Variants in SCAF11 observed in about 807,000 individuals in gnomAD.
SCAF11 encodes the protein SR-related CTD associated factor 11.
In SCAF11, 47 loss-of-function variants were observed where a neutral mutation model predicts 140.5. That is an observed-to-expected ratio of 0.33 (90% CI 0.26 to 0.43). The LOEUF (loss-of-function observed/expected upper bound fraction) is 0.43. Ranked by LOEUF, SCAF11 falls within the 20% of genes least tolerant of loss-of-function variation. The probability of loss-of-function intolerance (pLI) is 1.00; values close to 1 mark genes in which losing one functional copy is unlikely to be tolerated. For missense variants in SCAF11, 1,645 were observed against 1,705.1 expected (o/e 0.96, Z 0.62); for synonymous variants, 557 against 579.4 (o/e 0.96, Z 0.55).
intron 6 of SCAF11, among the ~76,000 whole-genome samples, chr12:45,936,881 G>T (rs1163956720): frequency 6.6e-6 from 1 of 152,150 alleles, no homozygotes. Flanking sequence ...ATAGGTTATA[G>T]AATTGTCTAG....
intron 3 of SCAF11, among the ~76,000 whole-genome samples, chr12:45,953,591 C>T (rs1390277398): frequency 6.6e-6 from 1 of 151,968 alleles, no homozygotes; most frequent in Non-Finnish European, 1.5e-5. Flanking sequence ...CTAGTGCTTC[C>T]TATTTTTACA....
chr12:45,971,296 T>A (rs183492248), intron 1 of SCAF11, among the ~76,000 whole-genome samples: 184 of 152,336 alleles, frequency 1.2e-3, no homozygotes, highest in African/African-American at 4.2e-3. Flanking sequence ...AAAGTTGGCA[T>A]TACATTCCAA....
chr12:45,951,638 A>G lies in SCAF11; in HGVS notation c.297+12T>C, dbSNP rs745385411. The stretch of plus-strand genomic sequence containing the variant: ...TTTTATATAATTCATGTTGCAGAAT[A>G]AAAAGACTTACCTTAACATAACCTT... On this transcript the variant is annotated intron_variant, in intron 4 of 14. Transcript: ENST00000369367. The G allele has an allele frequency of 6.5e-7, 1 of 1,528,466 alleles. No individual in the cohort carries two copies. Among genetic ancestry groups the G allele is most frequent in the Admixed American group, 1.9e-5 (1 of 52,714 alleles). The allele number at this position is 1,528,466 out of a possible 1,614,324, so 94.7% of individuals were successfully genotyped here.
chr12:45,943,907 C>T (rs1306282566), intron 6 of SCAF11, among the ~76,000 whole-genome samples: 1 of 152,044 alleles, frequency 6.6e-6, no homozygotes, highest in Non-Finnish European at 1.5e-5. Flanking sequence ...ATGCCACATT[C>T]TAAACAGTAA....
At chr12:45,991,305 C>T (rs1048623067), upstream of SCAF11, among the ~76,000 whole-genome samples, 1 of 152,180 alleles carries the variant, frequency 6.6e-6, no homozygotes, top group African/African-American at 2.4e-5. Flanking sequence ...TGGCTCACGC[C>T]GGTAATCCCA....
At chr12:45,931,819 A>C (rs1945051311) in intron 9 of SCAF11, among the ~76,000 whole-genome samples, 1 of 152,190 alleles carries the variant, frequency 6.6e-6, no homozygotes, top group African/African-American at 2.4e-5. Context: ...AAAACCTTTA[A>C]AAGTATGTTT....
intron 1 of SCAF11, among the ~76,000 whole-genome samples, chr12:45,969,556 G>C (rs1946027304): frequency 6.6e-6 from 1 of 152,094 alleles, no homozygotes; most frequent in Non-Finnish European, 1.5e-5. Context: ...TCAATAAATG[G>C]CTGTTATCAA....
At chr12:45,990,183 C>T (rs1042752243) in intron 1 of SCAF11, among the ~76,000 whole-genome samples, 170 bp downstream of exon 1, 4 of 152,170 alleles carry the variant, frequency 2.6e-5, no homozygotes, top group African/African-American at 9.7e-5. Flanking sequence ...AGAGGTAGCT[C>T]CAACTTTCCT....
At chr12:45,961,883 G>T in intron 2 of SCAF11, 26 bp from the exon 3 acceptor site, 1 of 1,563,224 alleles carries the variant, frequency 6.4e-7, no homozygotes, top group Non-Finnish European at 8.6e-7. Context: ...AGCCATATGT[G>T]CTTTCAAGTT....
At chr12:45,945,683 T>C (rs989893015) in intron 5 of SCAF11, among the ~76,000 whole-genome samples, 2 of 151,852 alleles carry the variant, frequency 1.3e-5, no homozygotes, top group South Asian at 2.1e-4. Flanking sequence ...ACTACAGGCA[T>C]GCACCACCTT....
At chr12:45,944,596 T>C (rs1039394912) in intron 6 of SCAF11, among the ~76,000 whole-genome samples, 21 of 152,120 alleles carry the variant, frequency 1.4e-4, no homozygotes, top group Admixed American at 7.9e-4. Context: ...AAACAGATCA[T>C]AGTAAGATGT....
chr12:45,933,095 A>G (rs763126683), intron 9 of SCAF11, 36 bp downstream of exon 9: 1 of 1,367,034 alleles, frequency 7.3e-7, no homozygotes, highest in South Asian at 1.2e-5. Context: ...TCATGTTAGC[A>G]TGTAAACACC....
intron 9 of SCAF11, among the ~76,000 whole-genome samples, chr12:45,932,719 A>T (rs1945079979): frequency 6.6e-6 from 1 of 152,164 alleles, no homozygotes; most frequent in Non-Finnish European, 1.5e-5. Context: ...GTCAGGGTAG[A>T]GTAGGCACTT....
chr12:45,948,572 T>A, intron 4 of SCAF11, 35 bp from the exon 5 acceptor site: 1 of 1,274,118 alleles, frequency 7.8e-7, no homozygotes, highest in Middle Eastern at 1.9e-4. Flanking sequence ...AGAGCAACAA[T>A]CCAGCCTTAC....
At chr12:45,958,340 CAG>C (rs1464151803) in intron 3 of SCAF11, among the ~76,000 whole-genome samples, 1 of 152,158 alleles carries the variant, frequency 6.6e-6, no homozygotes, top group Non-Finnish European at 1.5e-5. Flanking sequence ...TATGCAAACT[CAG>C]ATATATTAAA....
At chr12:45,969,902 A>AT (rs577622759) in intron 1 of SCAF11, among the ~76,000 whole-genome samples, 26 of 146,912 alleles carry the variant, frequency 1.8e-4, no homozygotes, top group South Asian at 4.3e-4. Flanking sequence ...ACATTCAACC[A>AT]TTTTTTTTTT....
chr12:45,977,147 T>A lies in SCAF11; in HGVS notation c.-21-12959A>T, dbSNP rs148344218. ...AACACTTCCCAAATCATTTTATGAATCCAGCATTATCCTCATGCAAAAAAA... is the reference window on the plus strand; with the variant it reads ...AACACTTCCCAAATCATTTTATGAAACCAGCATTATCCTCATGCAAAAAAA... On this transcript the variant is annotated intron_variant, in intron 1 of 14. Coordinates refer to ENST00000369367, the MANE Select transcript of SCAF11 (RefSeq NM_004719.3). Among the ~76,000 whole-genome samples, 326 of 152,106 alleles carry A rather than the reference T, an allele frequency of 2.1e-3. 1 individual carries two copies. Among genetic ancestry groups the A allele is most frequent in the Middle Eastern group, 0.014 (4 of 294 alleles).
Position 45,926,961 on chromosome 12 carries a change from G to C in SCAF11, c.2740C>G (p.Arg914Gly), listed in dbSNP as rs770415745. The C allele has an allele frequency of 1.9e-6, 3 of 1,612,080 alleles. No homozygotes were observed. Among genetic ancestry groups the C allele is most frequent in the South Asian group, 2.2e-5 (2 of 91,068 alleles). Residue 914 changes from arginine (R) to glycine (G), a missense_variant, in exon 11 of 15, where the codon CGA becomes GGA. Around this residue, in one of 2 missense-constraint regions of SCAF11, gnomAD observed 1,582 missense variants for 1,609.2 expected, o/e 0.98. Coordinates refer to ENST00000369367, the MANE Select transcript of SCAF11 (RefSeq NM_004719.3). ...GEKSRSQSRE[R>G]ESDRDGQRRE... ...CTCTGCCCATCTCTATCACTTTCTC[G>C]TTCTCTGCTCTGGGACCTGGATTTT...
At position 45,922,480 on chromosome 12, in the gene SCAF11, G is replaced by A. The variant is rs1006394234; in HGVS notation, c.4228C>T (p.Arg1410Trp). ...ITKEEYKEIVRKAVDKVCHSK... is the reference protein window; with the variant it reads ...ITKEEYKEIVWKAVDKVCHSK... ...TAACTTACTTTATCTACTGCTTTCCGTACAATTTCTTTATATTCTTCCTTG... is the reference window on the plus strand; with the variant it reads ...TAACTTACTTTATCTACTGCTTTCCATACAATTTCTTTATATTCTTCCTTG... Residue 1410 changes from arginine (R) to tryptophan (W), a missense_variant, in exon 14 of 15, where the codon CGG (arginine) becomes TGG (tryptophan). By Grantham distance (101) the Arg-to-Trp change is moderately radical. Around this residue, in one of 2 missense-constraint regions of SCAF11, gnomAD observed 63 missense variants for 95.9 expected, o/e 0.66. Coordinates refer to ENST00000369367, the MANE Select transcript of SCAF11 (RefSeq NM_004719.3). 7 of 1,601,344 alleles carry A rather than the reference G, an allele frequency of 4.4e-6. No homozygotes were observed. The highest frequency in any genetic ancestry group is 4.2e-6 in the Non-Finnish European group (5 of 1,177,554).
Sources: gnomAD v4.1 joint callset for allele counts (sites outside exome capture counted in the v4.1 genomes callset) on GRCh38, gnomAD v4.1.1 for gene constraint, gnomAD v4.1.1 regional missense constraint, MANE v1.5 for transcripts, NCBI Gene and HGNC (gene_info 2026-07-23, HGNC 2026-07-21) for gene names.